The following C4orf51 variants were observed in gnomAD, a reference collection of about 807,000 sequenced individuals.
C4orf51 encodes chromosome 4 open reading frame 51.
A neutral mutation model predicts 25.2 loss-of-function variants in C4orf51; 25 were observed. That is an observed-to-expected ratio of 0.99 (90% CI 0.72 to 1.39). C4orf51 has a LOEUF of 1.39. Among genes scored for constraint, C4orf51 ranks in the 40% most tolerant of loss-of-function variants. The probability of loss-of-function intolerance (pLI) is 0.00; values close to 1 mark genes in which losing one functional copy is unlikely to be tolerated. For missense variants in C4orf51, 252 were observed against 239.6 expected, an observed-to-expected ratio of 1.05 and a Z score of -0.34; for synonymous variants, 100 against 84.5, an observed-to-expected ratio of 1.18 and a Z score of -1.01.
At chr4:145,731,110 C>T (rs1429827399) in intron 5 of C4orf51, among the ~76,000 whole-genome samples, 2 of 152,138 alleles carry the variant, frequency 1.3e-5, no homozygotes, top group Non-Finnish European at 2.9e-5. Context: ...AGGGTTGATG[C>T]CTGTTTCTAG....
downstream of C4orf51, chr4:145,758,202 T>G (rs1456339645): frequency 6.6e-6 from 1 of 152,216 alleles, no homozygotes; most frequent in Non-Finnish European, 1.5e-5. Context: ...TTGATGACTC[T>G]TTCCAAAGTG....
Position 145,765,244 on chromosome 4 carries a change from C to CTTCCTCCCG in C4orf51, n.167-5744_167-5743insTTCCTCCCG. 6.9e-7 allele frequency: 1 copy of CTTCCTCCCG among 1,441,326 alleles called. No homozygotes were observed. Among genetic ancestry groups the CTTCCTCCCG allele is most frequent in the Non-Finnish European group, 9.3e-7 (1 of 1,080,184 alleles). The allele number at this position is 1,441,326 out of a possible 1,614,324, so 89.3% of individuals were successfully genotyped here. A position where few individuals can be genotyped will look rare whatever the true frequency, so the allele number is the denominator to read the frequency against. ...GCAGGAGTGGAGCCAAGCTCCTCCC[C>CTTCCTCCCG]ACTTCCTCCCGCCTCCTCCGACGCC... On this transcript the variant is annotated intron_variant and non_coding_transcript_variant, in intron 1 of 1. Transcript: ENST00000510096. The surrounding 1 kb of genome is among the most constrained non-coding windows in gnomAD (Gnocchi z 4.7).
intron 3 of C4orf51, 38 bp downstream of exon 3, chr4:145,727,007 A>G: frequency 6.5e-7 from 1 of 1,535,616 alleles, no homozygotes; most frequent in Non-Finnish European, 9.0e-7. Flanking sequence ...TTACCTGTAG[A>G]GAGCTTAAAT....
At chr4:145,785,328 C>A in the C4orf51 span, among the ~76,000 whole-genome samples, 1 of 152,128 alleles carries the variant, frequency 6.6e-6, no homozygotes, top group Non-Finnish European at 1.5e-5. Context: ...ATGCGTAGGT[C>A]CTGGGAAGAT....
the C4orf51 span, among the ~76,000 whole-genome samples, chr4:145,787,671 C>A: frequency 6.6e-6 from 1 of 151,992 alleles, no homozygotes; most frequent in Non-Finnish European, 1.5e-5. Context: ...GAATATGAAA[C>A]CTGTCAAGCA....
At chr4:145,739,770 C>A (rs1054150033) in intron 1 of C4orf51, among the ~76,000 whole-genome samples, 6 of 152,178 alleles carry the variant, frequency 3.9e-5, no homozygotes, top group African/African-American at 1.4e-4. Flanking sequence ...CATATGCAGC[C>A]TGTATAATCT....
intron 1 of C4orf51, among the ~76,000 whole-genome samples, chr4:145,695,319 G>A (rs1729976893): frequency 1.3e-5 from 2 of 152,108 alleles, no homozygotes; most frequent in Non-Finnish European, 2.9e-5. Flanking sequence ...GTTTTAATTT[G>A]CATTTCTCTA....
At chr4:145,719,521 C>T (rs540334415) in intron 2 of C4orf51, among the ~76,000 whole-genome samples, 2 of 144,956 alleles carry the variant, frequency 1.4e-5, no homozygotes, top group African/African-American at 2.6e-5. Context: ...AGGAGAATGG[C>T]GTGAACCCAG....
At chr4:145,744,304 A>C (rs1216945747) in intron 1 of C4orf51, among the ~76,000 whole-genome samples, 2 of 152,162 alleles carry the variant, frequency 1.3e-5, no homozygotes, top group Admixed American at 1.3e-4. Flanking sequence ...AATAATGATG[A>C]GGGTGGCAAT....
intron 2 of C4orf51, among the ~76,000 whole-genome samples, chr4:145,702,431 A>G (rs988426392): frequency 3.3e-5 from 5 of 151,968 alleles, no homozygotes; most frequent in Admixed American, 3.3e-4. Context: ...AGGCTCAGCA[A>G]ATTACCTGGG....
At chr4:145,764,877 A>G (rs1298046419) in intron 1 of C4orf51, 1 of 1,477,750 alleles carries the variant, frequency 6.8e-7, no homozygotes, top group African/African-American at 1.4e-5. Context: ...TCTCATACCA[A>G]GCTCCCCTTC....
At chr4:145,768,890 A>AAAAAAAAAAAAAAAAAAAAAAAG (rs1553975847) in intron 1 of C4orf51, among the ~76,000 whole-genome samples, 1 of 7,724 alleles carries the variant, frequency 1.3e-4, no homozygotes, top group African/African-American at 3.5e-4. Context: ...AAAAAAAAAA[A>AAAAAAAAAAAAAAAAAAAAAAAG]ATATATATAT....
chr4:145,743,655 T>C (rs1733216837), intron 1 of C4orf51, among the ~76,000 whole-genome samples: 1 of 152,226 alleles, frequency 6.6e-6, no homozygotes, highest in South Asian at 2.1e-4. Context: ...ATCTAATTCA[T>C]GCCATTCGCC....
At chr4:145,690,278 G>A (rs1170438355) in intron 1 of C4orf51, among the ~76,000 whole-genome samples, 1 of 151,984 alleles carries the variant, frequency 6.6e-6, no homozygotes, top group African/African-American at 2.4e-5. Context: ...GGCTAAGGCA[G>A]GTGGATCACG....
At chr4:145,730,059 G>T in intron 5 of C4orf51, 94 bp downstream of exon 5, 1 of 1,001,986 alleles carries the variant, frequency 1.0e-6, no homozygotes, top group Non-Finnish European at 1.6e-6. Context: ...AGGGGTGGTG[G>T]CCTGTGTATG....
At chr4:145,757,099 T>C (rs781051118), downstream of C4orf51, among the ~76,000 whole-genome samples, 32 of 151,612 alleles carry the variant, frequency 2.1e-4, no homozygotes, top group Admixed American at 5.9e-4. Context: ...TTCATTTCTT[T>C]CTCTCTCTGT....
downstream of C4orf51, among the ~76,000 whole-genome samples, chr4:145,733,695 T>G (rs1250675581): frequency 2.6e-5 from 4 of 152,198 alleles, no homozygotes; most frequent in Non-Finnish European, 2.9e-5. Context: ...CTCTTAGCCC[T>G]AGGTCGGGTT....
intron 2 of C4orf51, among the ~76,000 whole-genome samples, chr4:145,726,497 G>A (rs752304509): frequency 1.3e-5 from 2 of 152,076 alleles, no homozygotes; most frequent in Non-Finnish European, 2.9e-5. Flanking sequence ...CACTTCCCAG[G>A]CTCAGGCAAT....
downstream of C4orf51, chr4:145,775,994 G>A (rs201531682): frequency 2.2e-4 from 352 of 1,611,660 alleles, no homozygotes; most frequent in East Asian, 4.2e-3. Context: ...AGCCCAAATC[G>A]CTTTCAAAAA....
Sources: allele counts gnomAD v4.1 joint callset (sites outside exome capture counted in the v4.1 genomes callset), GRCh38; gene constraint gnomAD v4.1.1; non-coding constraint Gnocchi (gnomAD v3.1); transcripts MANE v1.5; gene names NCBI Gene and HGNC (gene_info 2026-07-23, HGNC 2026-07-21).